The following MYO16 variants were observed in gnomAD, a reference collection of about 807,000 sequenced individuals.
MYO16 encodes myosin XVI, also known as unconventional myosin-XVI.
Under a neutral mutation model 205.3 loss-of-function variants are expected in MYO16, and 94 were observed. The observed-to-expected ratio is 0.46, with a 90% CI of 0.39 to 0.54. The LOEUF (loss-of-function observed/expected upper bound fraction) is 0.54, where lower values mean the gene tolerates loss of function less well. Ranked by LOEUF, MYO16 falls within the 20% of genes least tolerant of loss-of-function variation. The pLI, the probability that MYO16 is intolerant of heterozygous loss-of-function variation, is 0.00. For synonymous variants in MYO16, 988 were observed against 954.0 expected (o/e 1.04, Z -0.66); for missense variants, 2,315 against 2,387.5 (o/e 0.97, Z 0.63).
the MYO16 span, among the ~76,000 whole-genome samples, chr13:108,582,554 G>T: frequency 6.6e-6 from 1 of 152,214 alleles, no homozygotes; most frequent in Non-Finnish European, 1.5e-5. Flanking sequence ...CATAGTGTAA[G>T]TTCCCGGAAG....
Position 108,866,172 on chromosome 13 carries a change from CACAG to C in MYO16, c.1360-1_1362del, listed in dbSNP as rs750908125. The stretch of plus-strand genomic sequence containing the variant: ...CATGAACTGTTTGCATCCCTTTTTT[CACAG>C]ACATTCATTGGAGACATTCTTTTGC... On this transcript the variant is annotated splice_acceptor_variant and splice_polypyrimidine_tract_variant and intron_variant, in intron 11 of 34. Coordinates refer to ENST00000457511, the MANE Select transcript of MYO16 (RefSeq NM_001198950.3). LOFTEE classifies it high-confidence loss of function. 1 of 1,593,108 alleles carries C rather than the reference CACAG, an allele frequency of 6.3e-7. No homozygotes were observed. The highest frequency in any genetic ancestry group is 1.7e-5 in the Admixed American group (1 of 58,166).
chr13:108,976,890 C>T (rs1884279536), intron 20 of MYO16, among the ~76,000 whole-genome samples: 1 of 152,110 alleles, frequency 6.6e-6, no homozygotes, highest in Non-Finnish European at 1.5e-5. Flanking sequence ...ATACTATTGA[C>T]ATTTTTCAAC....
Position 109,198,554 on chromosome 13 carries a change from T to A in MYO16, c.5416-8055T>A, listed in dbSNP as rs113951366. ...GTTGCTTTTTAGTAATAAAAGAATA[T>A]ATTATGTTATATTTATAAAAGGCCA... On this transcript the variant is annotated intron_variant, in intron 34 of 34. Coordinates refer to ENST00000457511, the MANE Select transcript of MYO16 (RefSeq NM_001198950.3). 5.4e-3 allele frequency among the ~76,000 whole-genome samples: 822 copies of A among 152,322 alleles called. 9 individuals carry two copies. The highest frequency in any genetic ancestry group is 0.018 in the African/African-American group (761 of 41,572).
intron 6 of MYO16, among the ~76,000 whole-genome samples, chr13:108,803,411 A>G (rs1199534431): frequency 2.0e-5 from 3 of 152,236 alleles, no homozygotes; most frequent in South Asian, 2.1e-4. Flanking sequence ...AGTCCACAGT[A>G]TGTTTTCTAG....
At chr13:108,954,154 A>C (rs574698719) in intron 16 of MYO16, among the ~76,000 whole-genome samples, 1 of 152,238 alleles carries the variant, frequency 6.6e-6, no homozygotes, top group South Asian at 2.1e-4. Flanking sequence ...AAGTAAAATA[A>C]AATGGAGGAT....
At chr13:109,154,004 C>T (rs755852542) in intron 32 of MYO16, among the ~76,000 whole-genome samples, 4 of 152,154 alleles carry the variant, frequency 2.6e-5, no homozygotes, top group East Asian at 1.9e-4. Flanking sequence ...CACGTGAGCA[C>T]GTAAAGAATT....
intron 2 of MYO16, among the ~76,000 whole-genome samples, chr13:108,695,791 C>T (rs913786400): frequency 6.6e-5 from 10 of 151,932 alleles, no homozygotes; most frequent in African/African-American, 2.4e-4. Flanking sequence ...CTATGATTTA[C>T]CAGAAAGTGA....
chr13:108,702,478 G>A (rs1426472324), intron 2 of MYO16, among the ~76,000 whole-genome samples: 1 of 152,076 alleles, frequency 6.6e-6, no homozygotes, highest in Admixed American at 6.6e-5. Flanking sequence ...AGGAATATTA[G>A]GACATTCATT....
chr13:109,110,191 T>C (rs1318013040), intron 28 of MYO16, among the ~76,000 whole-genome samples: 3 of 152,242 alleles, frequency 2.0e-5, no homozygotes, highest in Non-Finnish European at 4.4e-5. Context: ...TATTAACTTA[T>C]CAAATACATT....
At chr13:108,730,935 T>G (rs1884501435) in intron 4 of MYO16, among the ~76,000 whole-genome samples, 1 of 152,230 alleles carries the variant, frequency 6.6e-6, no homozygotes, top group African/African-American at 2.4e-5. Flanking sequence ...ACATTATCTG[T>G]GTTCCTTGAT....
At chr13:108,991,484 CA>C (rs1489455867) in intron 20 of MYO16, among the ~76,000 whole-genome samples, 1 of 152,220 alleles carries the variant, frequency 6.6e-6, no homozygotes, top group African/African-American at 2.4e-5. Flanking sequence ...TTTGATCCAT[CA>C]AAGAACATGC....
intron 13 of MYO16, among the ~76,000 whole-genome samples, chr13:108,888,095 A>G (rs1442633275): frequency 1.3e-5 from 2 of 152,202 alleles, no homozygotes; most frequent in African/African-American, 4.8e-5. Context: ...AACTTGTGTC[A>G]TATTCATTTG....
the MYO16 span, among the ~76,000 whole-genome samples, chr13:108,525,172 G>A: frequency 6.6e-6 from 1 of 152,124 alleles, no homozygotes; most frequent in African/African-American, 2.4e-5. Context: ...CGTGTGATGA[G>A]TGCTTACAGG....
chr13:108,695,374 A>T (rs751173579), intron 2 of MYO16, among the ~76,000 whole-genome samples: 11 of 152,104 alleles, frequency 7.2e-5, no homozygotes, highest in Non-Finnish European at 1.0e-4. Context: ...ATTCCATTTC[A>T]TTGGTCTATA....
intron 1 of MYO16, among the ~76,000 whole-genome samples, chr13:108,617,283 A>G (rs1201857981): frequency 1.3e-5 from 2 of 152,106 alleles, no homozygotes; most frequent in African/African-American, 4.8e-5. Context: ...CTGCATTTCA[A>G]ACAAGTTCTC....
chr13:108,811,775 C>G (rs951721105), intron 7 of MYO16, among the ~76,000 whole-genome samples: 2 of 152,112 alleles, frequency 1.3e-5, no homozygotes, highest in African/African-American at 4.8e-5. Flanking sequence ...CTCCCCTCAT[C>G]CAGGACACTA....
chr13:108,831,364 C>T (rs765869849), intron 9 of MYO16, among the ~76,000 whole-genome samples: 6 of 152,148 alleles, frequency 3.9e-5, no homozygotes, highest in Non-Finnish European at 8.8e-5. Flanking sequence ...CTAAATCTAG[C>T]AAGCCTTTAA....
chr13:109,063,927 T>C (rs1337804602), intron 27 of MYO16, among the ~76,000 whole-genome samples: 1 of 152,178 alleles, frequency 6.6e-6, no homozygotes, highest in Non-Finnish European at 1.5e-5. Context: ...TCCTCTCCTT[T>C]GGAAGACATT....
the MYO16 span, among the ~76,000 whole-genome samples, chr13:108,501,666 G>C: frequency 6.6e-6 from 1 of 152,144 alleles, no homozygotes; most frequent in African/African-American, 2.4e-5. Flanking sequence ...ACCACCAGTG[G>C]GCCAGTTCCA....
Sources: allele counts gnomAD v4.1 joint callset (sites outside exome capture counted in the v4.1 genomes callset), GRCh38; gene constraint gnomAD v4.1.1; transcripts MANE v1.5; gene names NCBI Gene and HGNC (gene_info 2026-07-23, HGNC 2026-07-21).